The following OTOF variants were observed in gnomAD, a reference collection of about 807,000 sequenced individuals.
OTOF encodes the protein otoferlin.
OTOF carries 218 observed loss-of-function variants against 236.8 expected under a neutral mutation model. That is an observed-to-expected ratio of 0.92 (90% CI 0.82 to 1.03). The LOEUF is 1.03. OTOF is among the 50% of genes least tolerant of loss of function. The probability of loss-of-function intolerance (pLI) is 0.00; values close to 1 mark genes in which losing one functional copy is unlikely to be tolerated. For missense variants in OTOF, 2,590 were observed against 2,694.4 expected, an observed-to-expected ratio of 0.96 and a Z score of 0.86; for synonymous variants, 1,041 against 1,072.5, an observed-to-expected ratio of 0.97 and a Z score of 0.57.
In OTOF at chr2:26,461,080, G is replaced by T; in HGVS notation, c.5534-50C>A. 1 of 1,145,734 alleles carries T rather than the reference G, an allele frequency of 8.7e-7. No homozygotes were observed. Among genetic ancestry groups the T allele is most frequent in the Non-Finnish European group, 1.3e-6 (1 of 786,990 alleles). The allele number at this position is 1,145,734 out of a possible 1,614,324, so 71.0% of individuals were successfully genotyped here. A position where few individuals can be genotyped will look rare whatever the true frequency, so the allele number is the denominator to read the frequency against. ...AGAGTGAACAGGGCTGGGGTGGGGC[G>T]GGGTGGGGGTGGGGGTCTGGGCTCC... On this transcript the variant is annotated intron_variant, in intron 43 of 46. Coordinates refer to ENST00000272371, the MANE Select transcript of OTOF (RefSeq NM_194248.3). This position sits in a 1 kb window ranked among gnomAD's most constrained non-coding sequence, Gnocchi z 6.2.
chr2:26,499,859 T>C (rs1666076149), intron 8 of OTOF, among the ~76,000 whole-genome samples: 1 of 152,212 alleles, frequency 6.6e-6, no homozygotes, highest in African/African-American at 2.4e-5. Context: ...TGCATCCTCA[T>C]AGCTCTCACT....
chr2:26,479,721 G>T, intron 16 of OTOF, 68 bp from the exon 17 acceptor site: 3 of 1,510,792 alleles, frequency 2.0e-6, no homozygotes, highest in Non-Finnish European at 2.7e-6. Context: ...CGTCCAATCC[G>T]GTGCTGCCTT....
At chr2:26,515,831 G>A (rs1666510013) in intron 5 of OTOF, among the ~76,000 whole-genome samples, 1 of 152,344 alleles carries the variant, frequency 6.6e-6, no homozygotes, top group South Asian at 2.1e-4. Flanking sequence ...TAGTGCACGT[G>A]GAATGAGCTG....
intron 5 of OTOF, among the ~76,000 whole-genome samples, chr2:26,505,060 C>G (rs1389501860): frequency 6.6e-6 from 1 of 152,082 alleles, no homozygotes; most frequent in Non-Finnish European, 1.5e-5. Flanking sequence ...ACCTCAAGCC[C>G]CTCTCCTCAG....
rs1191109010 is a variant in OTOF, at chr2:26,537,748, C to T, written c.106G>A (p.Glu36Lys). ...AAGTCAGCCACATCCTCACAGTTCTCCAGGACCCGAGAGTAGAAGGATTGC... is the reference window on the plus strand; with the variant it reads ...AAGTCAGCCACATCCTCACAGTTCTTCAGGACCCGAGAGTAGAAGGATTGC... Reference protein sequence around the residue: ...RGQSFYSRVLENCEDVADFDE... With the variant: ...RGQSFYSRVLKNCEDVADFDE... The change falls in exon 2 of 47, where the codon GAG becomes AAG. Residue 36 changes from glutamate to lysine, a missense_variant. Glu to Lys is a moderately conservative substitution (Grantham distance 56). Around this residue, in one of 2 missense-constraint regions of OTOF, gnomAD observed 1,379 missense variants for 1,341.6 expected, o/e 1.03. Coordinates refer to ENST00000272371, the MANE Select transcript of OTOF (RefSeq NM_194248.3). The T allele has an allele frequency of 6.4e-7, 1 of 1,555,360 alleles. No individual in the cohort carries two copies. The highest frequency in any genetic ancestry group is 8.7e-7 in the Non-Finnish European group (1 of 1,148,644).
intron 3 of OTOF, among the ~76,000 whole-genome samples, chr2:26,526,651 A>G (rs1666812390): frequency 6.6e-6 from 1 of 152,210 alleles, no homozygotes; most frequent in South Asian, 2.1e-4. Context: ...CTCTGCCACT[A>G]GTATCAGAGC....
rs757116157 is a variant in OTOF at position 26,466,805 on chromosome 2, C to T, written c.4409G>A (p.Arg1470Gln). 1.4e-5 allele frequency: 23 copies of T among 1,614,188 alleles called. No individual in the cohort carries two copies. The East Asian group carries it at 1.6e-4, about 11-fold the overall frequency. ...YKVPLPEDVSREAGYDSTYGM... is the reference protein window; with the variant it reads ...YKVPLPEDVSQEAGYDSTYGM... The stretch of plus-strand genomic sequence containing the variant: ...GTAGGTGGAGTCGTAGCCGGCTTCC[C>T]GGGACACGTCCTCTGGGAGTGGCAC... Residue 1470 changes from arginine (R) to glutamine (Q), a missense_variant, in exon 36 of 47, where the codon CGG becomes CAG. Physicochemically the swap from Arg to Gln is conservative, Grantham distance 43. Transcript: ENST00000272371.
At chr2:26,535,957 G>T (rs1291130141) in intron 2 of OTOF, among the ~76,000 whole-genome samples, 2 of 152,238 alleles carry the variant, frequency 1.3e-5, no homozygotes, top group African/African-American at 2.4e-5. Flanking sequence ...GCATCAGGTT[G>T]CCCCCTGGCT....
intron 3 of OTOF, among the ~76,000 whole-genome samples, chr2:26,525,537 G>A (rs1666779618): frequency 6.6e-6 from 1 of 152,194 alleles, no homozygotes; most frequent in Non-Finnish European, 1.5e-5. Context: ...CTTCTGGGAG[G>A]GTAGGGGCAG....
chr2:26,466,461 T>G (rs1212264032), intron 36 of OTOF: 1 of 537,484 alleles, frequency 1.9e-6, no homozygotes, highest in African/African-American at 1.9e-5. Context: ...CTCAGCCTCC[T>G]CAGTAGCTGG....
chr2:26,545,299 A>G (rs1003896179), intron 1 of OTOF, among the ~76,000 whole-genome samples: 1 of 152,184 alleles, frequency 6.6e-6, no homozygotes, highest in Non-Finnish European at 1.5e-5. Context: ...CCATACGTCT[A>G]TCTTATTCTA....
chr2:26,475,298 G>C lies in OTOF; in HGVS notation c.3126+61C>G, dbSNP rs1051894826. The C allele has an allele frequency of 1.1e-5, 18 of 1,589,238 alleles. No individual in the cohort carries two copies. In the African/African-American group the frequency reaches 2.3e-4, roughly 20 times the overall value. On this transcript the variant is annotated intron_variant, in intron 25 of 46. Transcript: ENST00000272371. ...GGCACAGCCTCAGCGCAGGTGGAGT[G>C]CAGGGAACAAGGGCCAGGTGTGGTG...
At position 26,461,092 on chromosome 2, in the gene OTOF, G is replaced by T; in HGVS notation, c.5534-62C>A. The T allele has an allele frequency of 9.5e-7, 1 of 1,049,568 alleles. No homozygotes were observed. Among genetic ancestry groups the T allele is most frequent in the Non-Finnish European group, 1.4e-6 (1 of 701,048 alleles). 65.0% of individuals were successfully genotyped at this position (1,049,568 alleles called of 1,614,324 possible). ...GCTGGGGTGGGGCGGGGTGGGGGTGGGGGTCTGGGCTCCTCGGCCCCTTGT... is the reference window on the plus strand; with the variant it reads ...GCTGGGGTGGGGCGGGGTGGGGGTGTGGGTCTGGGCTCCTCGGCCCCTTGT... On this transcript the variant is annotated intron_variant, in intron 43 of 46. Transcript: ENST00000272371. The surrounding 1 kb of genome is among the most constrained non-coding windows in gnomAD (Gnocchi z 6.2).
At chr2:26,547,311 G>A (rs1667356529) in intron 1 of OTOF, among the ~76,000 whole-genome samples, 1 of 152,012 alleles carries the variant, frequency 6.6e-6, no homozygotes, top group Non-Finnish European at 1.5e-5. Context: ...GCATTCCTGG[G>A]ATAATACTCA....
At chr2:26,468,526 T>C in intron 32 of OTOF, 52 bp from the exon 33 acceptor site, 1 of 1,408,192 alleles carries the variant, frequency 7.1e-7, no homozygotes, top group Non-Finnish European at 1.0e-6. Flanking sequence ...TGGGGAGGAG[T>C]CTGTTGACCC....
intron 2 of OTOF, 147 bp from the exon 3 acceptor site, chr2:26,528,067 C>G (rs1281481142): frequency 1.4e-6 from 1 of 698,168 alleles, no homozygotes; most frequent in Non-Finnish European, 2.6e-6. Flanking sequence ...AGCATTGACA[C>G]CTGGAATCTC....
intron 8 of OTOF, 47 bp downstream of exon 8, chr2:26,501,707 A>G (rs750913421): frequency 3.7e-6 from 5 of 1,336,486 alleles, no homozygotes; most frequent in Non-Finnish European, 5.4e-6. Context: ...AGAATCCCCC[A>G]CTAGAGCAGA....
At chr2:26,516,759 G>T (rs1450841701) in intron 4 of OTOF, among the ~76,000 whole-genome samples, 160 bp from the exon 5 acceptor site, 2 of 152,158 alleles carry the variant, frequency 1.3e-5, no homozygotes, top group Non-Finnish European at 2.9e-5. Context: ...TTGCTGATGA[G>T]AAAACAGAGG....
intron 1 of OTOF, among the ~76,000 whole-genome samples, chr2:26,548,589 G>T (rs1040510055): frequency 6.6e-6 from 1 of 152,152 alleles, no homozygotes; most frequent in Non-Finnish European, 1.5e-5. Context: ...CACCGTTTTG[G>T]TCAACGACCA....
Sources: gnomAD v4.1 joint callset for allele counts (sites outside exome capture counted in the v4.1 genomes callset) on GRCh38, gnomAD v4.1.1 for gene constraint, gnomAD v4.1.1 regional missense constraint, Gnocchi (gnomAD v3.1) non-coding constraint, MANE v1.5 for transcripts, NCBI Gene and HGNC (gene_info 2026-07-23, HGNC 2026-07-21) for gene names.